The following COL25A1 variants were observed in gnomAD, a reference collection of about 807,000 sequenced individuals.
COL25A1 encodes collagen type XXV alpha 1 chain.
Under a neutral mutation model 128.4 loss-of-function variants are expected in COL25A1, and 103 were observed. The observed-to-expected ratio is 0.80, with a 90% CI of 0.68 to 0.94. The LOEUF is 0.94. Ranked by LOEUF, COL25A1 falls within the 40% of genes least tolerant of loss-of-function variation. The pLI is 0.00. For synonymous variants in COL25A1, 279 were observed against 277.2 expected (o/e 1.01, Z -0.06); for missense variants, 745 against 840.0 (o/e 0.89, Z 1.40).
intron 5 of COL25A1, among the ~76,000 whole-genome samples, chr4:109,025,756 C>T (rs1758201465): frequency 6.6e-6 from 1 of 152,142 alleles, no homozygotes; most frequent in South Asian, 2.1e-4. Flanking sequence ...CACTTACTGA[C>T]CACTACACAA....
chr4:108,875,582 G>A (rs917832350), intron 19 of COL25A1, among the ~76,000 whole-genome samples: 3 of 152,152 alleles, frequency 2.0e-5, no homozygotes, highest in African/African-American at 7.2e-5. Context: ...GAGAGGATGT[G>A]GAGAAATAGG....
At chr4:109,140,588 T>C (rs1306460614) in intron 3 of COL25A1, among the ~76,000 whole-genome samples, 1 of 152,242 alleles carries the variant, frequency 6.6e-6, no homozygotes, top group African/African-American at 2.4e-5. Flanking sequence ...TTCCATTTGT[T>C]TGTGTCCTCT....
At chr4:109,287,741 T>C (rs1434181555) in intron 3 of COL25A1, among the ~76,000 whole-genome samples, 1 of 152,148 alleles carries the variant, frequency 6.6e-6, no homozygotes, top group Non-Finnish European at 1.5e-5. Flanking sequence ...AGAATCCAAG[T>C]TGCCTCAGCC....
intron 5 of COL25A1, among the ~76,000 whole-genome samples, chr4:109,046,995 T>A (rs139422881): frequency 6.6e-6 from 1 of 152,176 alleles, no homozygotes; most frequent in African/African-American, 2.4e-5. Context: ...TTCCTGTGAG[T>A]GCAAAACAGA....
At position 109,243,434 on chromosome 4, in the gene COL25A1, AT is replaced by A. The variant is rs1292193343; in HGVS notation, c.367+57148del. Among the ~76,000 whole-genome samples the A allele has an allele frequency of 5.9e-3, 886 of 150,672 alleles. 8 individuals carry two copies. The highest frequency in any genetic ancestry group is 0.02 in the African/African-American group (807 of 41,122). On this transcript the variant is annotated intron_variant, in intron 3 of 37. Coordinates refer to ENST00000399132, the MANE Select transcript of COL25A1 (RefSeq NM_198721.4). ...ATAGTTACTCTTTATCCTAAAAAAA[AT>A]TTTTTTTTTAAATCCATACCTAAGT... is the stretch of plus-strand genomic sequence containing the variant.
chr4:109,012,007 T>G (rs753866680), intron 5 of COL25A1, among the ~76,000 whole-genome samples: 1 of 150,376 alleles, frequency 6.6e-6, no homozygotes, highest in Admixed American at 6.6e-5. Flanking sequence ...GGAGACACTA[T>G]GAAGGTTTTT....
At chr4:109,069,966 T>C (rs1762773830) in intron 3 of COL25A1, among the ~76,000 whole-genome samples, 1 of 82,694 alleles carries the variant, frequency 1.2e-5, no homozygotes, top group Non-Finnish European at 2.6e-5. Flanking sequence ...AGAAGAGCAA[T>C]AATTTTTTTT....
chr4:108,919,596 C>T (rs1303268263), intron 12 of COL25A1, among the ~76,000 whole-genome samples: 4 of 151,932 alleles, frequency 2.6e-5, no homozygotes, highest in South Asian at 2.1e-4. Context: ...TTTAGTTTTC[C>T]GTGGGTTAAA....
chr4:108,913,594 G>T (rs138035877), intron 13 of COL25A1, among the ~76,000 whole-genome samples: 77 of 152,142 alleles, frequency 5.1e-4, no homozygotes, highest in Admixed American at 1.8e-3. Context: ...ACAGTGTTGG[G>T]CACTAACTGC....
At chr4:109,056,529 G>A (rs1761461405) in intron 3 of COL25A1, among the ~76,000 whole-genome samples, 1 of 151,626 alleles carries the variant, frequency 6.6e-6, no homozygotes, top group Admixed American at 6.6e-5. Flanking sequence ...TATACCAAGG[G>A]ATTTATGCTA....
At chr4:108,982,683 G>T (rs774534243) in intron 6 of COL25A1, among the ~76,000 whole-genome samples, 6 of 152,126 alleles carry the variant, frequency 3.9e-5, no homozygotes, top group Non-Finnish European at 7.4e-5. Context: ...AGTGTGTACT[G>T]AAGATTAAAA....
chr4:108,861,641 G>A (rs1213491171), intron 22 of COL25A1, among the ~76,000 whole-genome samples: 9 of 152,146 alleles, frequency 5.9e-5, no homozygotes, highest in Non-Finnish European at 1.3e-4. Context: ...TTCATTGATG[G>A]TGGCATTACC....
At chr4:108,841,377 C>T (rs10019747) in intron 31 of COL25A1, among the ~76,000 whole-genome samples, 2,071 of 152,116 alleles carry the variant, frequency 0.014, 48 homozygotes, top group African/African-American at 0.047. Flanking sequence ...TAAAAAAAAG[C>T]ATCTAGACTA....
At chr4:109,055,410 A>G (rs1761367418) in intron 3 of COL25A1, among the ~76,000 whole-genome samples, 1 of 152,162 alleles carries the variant, frequency 6.6e-6, no homozygotes, top group Non-Finnish European at 1.5e-5. Context: ...CGTTTCTGCA[A>G]ATGTAAAACT....
chr4:109,289,125 T>C (rs1724209695), intron 3 of COL25A1, among the ~76,000 whole-genome samples: 1 of 152,066 alleles, frequency 6.6e-6, no homozygotes, highest in South Asian at 2.1e-4. Flanking sequence ...ATCTTTCCTA[T>C]GTATCTGATT....
chr4:108,875,979 G>A (rs1739400741), intron 19 of COL25A1, among the ~76,000 whole-genome samples: 2 of 151,998 alleles, frequency 1.3e-5, no homozygotes, highest in Admixed American at 6.6e-5. Flanking sequence ...ACCAAACACC[G>A]CACATTCTCA....
chr4:109,024,945 A>G (rs1483052583), intron 5 of COL25A1, among the ~76,000 whole-genome samples: 1 of 152,194 alleles, frequency 6.6e-6, no homozygotes, highest in Non-Finnish European at 1.5e-5. Flanking sequence ...TTATACAGTT[A>G]AACACCAGCG....
At chr4:109,141,572 T>G (rs1047520133) in intron 3 of COL25A1, among the ~76,000 whole-genome samples, 4 of 152,234 alleles carry the variant, frequency 2.6e-5, no homozygotes, top group Admixed American at 2.0e-4. Context: ...CCTGGACTTC[T>G]TTTGGTTGGT....
intron 3 of COL25A1, among the ~76,000 whole-genome samples, chr4:109,129,924 C>T (rs759024248): frequency 6.6e-6 from 1 of 151,178 alleles, no homozygotes; most frequent in Non-Finnish European, 1.5e-5. Context: ...GTGGGTGCAG[C>T]GCACCAGCAT....
Sources: allele counts gnomAD v4.1 joint callset (sites outside exome capture counted in the v4.1 genomes callset), GRCh38; gene constraint gnomAD v4.1.1; transcripts MANE v1.5; gene names NCBI Gene and HGNC (gene_info 2026-07-23, HGNC 2026-07-21).